HIBADH: variants seen among roughly 807,000 people sequenced by gnomAD.
The protein encoded by HIBADH is 3-hydroxyisobutyrate dehydrogenase, mitochondrial.
A neutral mutation model predicts 36.1 loss-of-function variants in HIBADH; 25 were observed. The ratio of observed to expected loss-of-function variants is 0.69; its 90% confidence interval spans 0.50 to 0.97. The LOEUF (loss-of-function observed/expected upper bound fraction) is 0.97. Ranked by LOEUF, HIBADH falls within the 50% of genes least tolerant of loss-of-function variation. The pLI is 0.00. For missense variants in HIBADH, 421 were observed against 418.0 expected, an observed-to-expected ratio of 1.01 and a Z score of -0.06; for synonymous variants, 160 against 149.5, an observed-to-expected ratio of 1.07 and a Z score of -0.51.
chr7:27,643,209 A>G (rs904804504), intron 2 of HIBADH, among the ~76,000 whole-genome samples: 2 of 152,194 alleles, frequency 1.3e-5, no homozygotes, highest in African/African-American at 4.8e-5. Context: ...TTAGTGACTT[A>G]ATGAAGGTCC....
At chr7:27,570,894 G>A (rs559119674) in intron 4 of HIBADH, among the ~76,000 whole-genome samples, 99 of 152,094 alleles carry the variant, frequency 6.5e-4, no homozygotes, top group Admixed American at 1.6e-3. Flanking sequence ...TGTCCTTCCT[G>A]TTTCTGTGGG....
At chr7:27,572,259 C>T (rs1038232571) in intron 4 of HIBADH, among the ~76,000 whole-genome samples, 1 of 152,176 alleles carries the variant, frequency 6.6e-6, no homozygotes, top group Non-Finnish European at 1.5e-5. Flanking sequence ...TCTCCATTCT[C>T]TAATGAGAAA....
chr7:27,595,285 A>G (rs6955074), intron 4 of HIBADH, among the ~76,000 whole-genome samples: 115,968 of 152,106 alleles, frequency 0.76, 44,713 homozygotes, highest in East Asian at 0.94. Context: ...GGGAGGCTGA[A>G]GTGGGCAGAT....
chr7:27,639,918 G>A (rs1234415268), intron 2 of HIBADH, among the ~76,000 whole-genome samples: 4 of 152,116 alleles, frequency 2.6e-5, no homozygotes, highest in South Asian at 2.1e-4. Flanking sequence ...AATAATCCAC[G>A]TACAGTCAAG....
intron 4 of HIBADH, among the ~76,000 whole-genome samples, chr7:27,551,396 T>G (rs1347576647): frequency 1.3e-5 from 2 of 152,160 alleles, no homozygotes; most frequent in African/African-American, 4.8e-5. Context: ...ACTTTGACAC[T>G]CAAATGAAAC....
chr7:27,631,357 C>G (rs773313481), intron 3 of HIBADH, among the ~76,000 whole-genome samples: 5 of 152,306 alleles, frequency 3.3e-5, no homozygotes, highest in Non-Finnish European at 7.4e-5. Flanking sequence ...ATCCAAGTGT[C>G]TTTTGCTTCC....
At chr7:27,563,146 T>A (rs950649312) in intron 4 of HIBADH, among the ~76,000 whole-genome samples, 6 of 152,222 alleles carry the variant, frequency 3.9e-5, no homozygotes, top group Non-Finnish European at 7.3e-5. Context: ...CAGGATGTTA[T>A]ATGAACATAA....
At chr7:27,595,628 C>T (rs991483769) in intron 4 of HIBADH, among the ~76,000 whole-genome samples, 7 of 144,892 alleles carry the variant, frequency 4.8e-5, no homozygotes, top group South Asian at 2.2e-4. Context: ...GTGTGTGAAC[C>T]GCTATATTCC....
At chr7:27,559,433 G>A (rs1046504462) in intron 4 of HIBADH, among the ~76,000 whole-genome samples, 1 of 151,932 alleles carries the variant, frequency 6.6e-6, no homozygotes, top group Non-Finnish European at 1.5e-5. Flanking sequence ...ACCAGCTTAA[G>A]CAAAAAAGCA....
chr7:27,545,529 C>T (rs1000876547), intron 4 of HIBADH, among the ~76,000 whole-genome samples: 4 of 152,122 alleles, frequency 2.6e-5, no homozygotes, highest in African/African-American at 9.7e-5. Flanking sequence ...GACTCTAAAA[C>T]TGTGTAAGAC....
At chr7:27,613,045 AATAT>A (rs1182468278) in intron 4 of HIBADH, among the ~76,000 whole-genome samples, 2 of 128,178 alleles carry the variant, frequency 1.6e-5, no homozygotes, top group Non-Finnish European at 3.3e-5. Flanking sequence ...ATAATATATA[AATAT>A]ATATAATATA....
At chr7:27,656,972 C>A (rs1401286898) in intron 1 of HIBADH, among the ~76,000 whole-genome samples, 1 of 152,142 alleles carries the variant, frequency 6.6e-6, no homozygotes, top group Admixed American at 6.5e-5. Context: ...CCCGTAGATC[C>A]GAGGTCAAGT....
intron 4 of HIBADH, among the ~76,000 whole-genome samples, chr7:27,583,854 G>T (rs1784824626): frequency 6.6e-6 from 1 of 151,866 alleles, no homozygotes; most frequent in African/African-American, 2.4e-5. Context: ...TTTCTCAATT[G>T]ACTTAAAAAC....
intron 5 of HIBADH, 88 bp downstream of exon 5, chr7:27,542,879 A>G: frequency 7.4e-7 from 1 of 1,349,132 alleles, no homozygotes; most frequent in Non-Finnish European, 1.0e-6. Flanking sequence ...GGTTGAAGAA[A>G]GAAGAATAAA....
chr7:27,571,432 T>G (rs1411188583), intron 4 of HIBADH, among the ~76,000 whole-genome samples: 1 of 151,914 alleles, frequency 6.6e-6, no homozygotes, highest in African/African-American at 2.4e-5. Context: ...TCCATGTTGG[T>G]CAGGCTGGTC....
rs1318539981 is a variant in HIBADH, at chr7:27,624,815, T to C, written c.484+4556A>G. Among the ~76,000 whole-genome samples, 3 of 152,340 alleles carry C rather than the reference T, an allele frequency of 2.0e-5. No homozygotes were observed. The East Asian group carries it at 5.8e-4, about 29-fold the overall frequency. On this transcript the variant is annotated intron_variant, in intron 4 of 7. Coordinates refer to ENST00000265395, the MANE Select transcript of HIBADH (RefSeq NM_152740.4). ...TTCCACCCTTGGTAAAATGGGAGTA[T>C]CACTGCTTATCCTGTCTATTTCACA... is the stretch of plus-strand genomic sequence containing the variant.
At chr7:27,578,716 T>C (rs748231775) in intron 4 of HIBADH, among the ~76,000 whole-genome samples, 1 of 152,190 alleles carries the variant, frequency 6.6e-6, no homozygotes, top group Non-Finnish European at 1.5e-5. Context: ...ACATTTTTTT[T>C]TGTTGTTACA....
chr7:27,579,135 T>C lies in HIBADH; in HGVS notation c.485-36035A>G, dbSNP rs1784755575. On this transcript the variant is annotated intron_variant, in intron 4 of 7. Coordinates refer to ENST00000265395, the MANE Select transcript of HIBADH (RefSeq NM_152740.4). ...AAAGAAAATTAGAAAATCCAGTTAT[T>C]TGGGGGACAACTGAGAAAATTTGAA... Among the ~76,000 whole-genome samples the C allele has an allele frequency of 3.9e-5, 6 of 152,208 alleles. 1 individual carries two copies. The South Asian group carries it at 1.2e-3, about 31-fold the overall frequency.
intron 7 of HIBADH, among the ~76,000 whole-genome samples, chr7:27,526,714 AAAC>A (rs1186357905): frequency 1.3e-5 from 2 of 152,208 alleles, no homozygotes; most frequent in Non-Finnish European, 2.9e-5. Flanking sequence ...TCTTAAATGA[AAAC>A]AAGGAGAAAT....
Sources: allele counts gnomAD v4.1 joint callset (sites outside exome capture counted in the v4.1 genomes callset), GRCh38; gene constraint gnomAD v4.1.1; transcripts MANE v1.5; gene names NCBI Gene and HGNC (gene_info 2026-07-23, HGNC 2026-07-21).